SLC25A48: variants seen among roughly 807,000 people sequenced by gnomAD.
The protein encoded by SLC25A48 is CTC-321K16.1.
In SLC25A48, 29 loss-of-function variants were observed where a neutral mutation model predicts 32.2. That is an observed-to-expected ratio of 0.90 (90% CI 0.67 to 1.23). The LOEUF is 1.23. Among genes scored for constraint, SLC25A48 ranks in the 50% most tolerant of loss-of-function variants. SLC25A48 has a pLI of 0.00. For synonymous variants in SLC25A48, 164 were observed against 172.3 expected (o/e 0.95, Z 0.38); for missense variants, 399 against 422.7 (o/e 0.94, Z 0.49).
chr5:135,855,178 A>G (rs1323734868), intron 4 of SLC25A48, among the ~76,000 whole-genome samples: 13 of 152,254 alleles, frequency 8.5e-5, no homozygotes, highest in Admixed American at 7.8e-4. Flanking sequence ...TGTGAGAATT[A>G]TGAAAATGTG....
chr5:135,833,637 A>C (rs995322893), upstream of SLC25A48, among the ~76,000 whole-genome samples: 1 of 152,074 alleles, frequency 6.6e-6, no homozygotes. Context: ...GGAACTTTGC[A>C]ATACTTCCCT....
chr5:135,614,614 A>C lies in SLC25A48; in HGVS notation c.-848-14623A>C, dbSNP rs1261883739. 2.6e-5 allele frequency among the ~76,000 whole-genome samples: 4 copies of C among 152,178 alleles called. No homozygotes were observed. In the East Asian group the frequency reaches 7.7e-4, roughly 29 times the overall value. ...CATGAAGGGATGTTGAATTTTATTA[A>C]ATTATTTTCCTTCACCTATTGAAAT... On this transcript the variant is annotated intron_variant, in intron 1 of 10. Transcript: ENST00000646290.
intron 4 of SLC25A48, among the ~76,000 whole-genome samples, chr5:135,828,615 G>C (rs548726300): frequency 6.6e-6 from 1 of 152,360 alleles, no homozygotes; most frequent in African/African-American, 2.4e-5. Context: ...CTGGTTGCAA[G>C]GAGCCTGAGC....
chr5:135,718,725 T>C (rs556756632), intron 3 of SLC25A48, among the ~76,000 whole-genome samples: 2 of 152,364 alleles, frequency 1.3e-5, no homozygotes, highest in South Asian at 2.1e-4. Context: ...CAGAGAATTA[T>C]GCTGCCTGAA....
chr5:135,782,488 G>T (rs1380685188), intron 3 of SLC25A48, among the ~76,000 whole-genome samples: 2 of 116,746 alleles, frequency 1.7e-5, no homozygotes, highest in African/African-American at 5.2e-5. Context: ...ATATTGCAGG[G>T]TGTGTACAAC....
chr5:135,598,125 C>T (rs1751703195), intron 1 of SLC25A48, among the ~76,000 whole-genome samples: 1 of 152,128 alleles, frequency 6.6e-6, no homozygotes, highest in South Asian at 2.1e-4. Flanking sequence ...CAAAGTGTTA[C>T]CCACTAGGAT....
intron 3 of SLC25A48, among the ~76,000 whole-genome samples, chr5:135,750,422 C>T (rs147402053): frequency 6.6e-6 from 1 of 152,282 alleles, no homozygotes; most frequent in East Asian, 1.9e-4. Context: ...TGATTCCCTC[C>T]TAGTGGCCTC....
At chr5:135,660,400 A>G (rs1272599982) in intron 3 of SLC25A48, among the ~76,000 whole-genome samples, 1 of 152,202 alleles carries the variant, frequency 6.6e-6, no homozygotes, top group African/African-American at 2.4e-5. Context: ...TTTGAAAGAC[A>G]TGGTATTCAT....
chr5:135,672,495 C>G (rs1474587151), intron 3 of SLC25A48, among the ~76,000 whole-genome samples: 1 of 152,194 alleles, frequency 6.6e-6, no homozygotes, highest in Non-Finnish European at 1.5e-5. Context: ...GACTGCTGCT[C>G]AAACCCATGG....
chr5:135,796,821 C>T (rs958267539), intron 3 of SLC25A48, among the ~76,000 whole-genome samples: 1 of 151,330 alleles, frequency 6.6e-6, no homozygotes, highest in Non-Finnish European at 1.5e-5. Context: ...TAATATTGCA[C>T]GGGTGTGTGC....
chr5:135,861,252 A>T (rs1012526708), intron 4 of SLC25A48, among the ~76,000 whole-genome samples: 80 of 152,162 alleles, frequency 5.3e-4, no homozygotes, highest in Middle Eastern at 3.4e-3. Context: ...AGCATATAAA[A>T]TTTTTTTAAG....
chr5:135,799,093 T>C (rs898837702), intron 3 of SLC25A48, among the ~76,000 whole-genome samples: 2 of 151,664 alleles, frequency 1.3e-5, no homozygotes, highest in African/African-American at 4.8e-5. Flanking sequence ...ACTTTGGTGA[T>C]ATTTTTCCTA....
chr5:135,659,068 A>G (rs1753325317), intron 3 of SLC25A48, among the ~76,000 whole-genome samples: 1 of 152,230 alleles, frequency 6.6e-6, no homozygotes, highest in Admixed American at 6.5e-5. Flanking sequence ...TTTTTCTCCC[A>G]TAAAATGGGT....
chr5:135,850,276 A>G, intron 2 of SLC25A48, 149 bp from the exon 3 acceptor site: 1 of 689,126 alleles, frequency 1.5e-6, no homozygotes, highest in Non-Finnish European at 2.6e-6. Flanking sequence ...TGCAAGCTGG[A>G]GACAGGGCAC....
intron 3 of SLC25A48, among the ~76,000 whole-genome samples, chr5:135,778,956 G>A (rs1478969291): frequency 6.6e-6 from 1 of 150,858 alleles, no homozygotes; most frequent in East Asian, 2.0e-4. Context: ...TTCTCAAGGG[G>A]GGAGAGAATA....
chr5:135,613,996 A>G (rs931138596), intron 1 of SLC25A48, among the ~76,000 whole-genome samples: 4 of 152,090 alleles, frequency 2.6e-5, no homozygotes, highest in Non-Finnish European at 5.9e-5. Flanking sequence ...TGTTATTTTG[A>G]TGGTGATTGC....
intron 3 of SLC25A48, among the ~76,000 whole-genome samples, chr5:135,638,004 TC>T (rs1752744859): frequency 6.6e-6 from 1 of 152,190 alleles, no homozygotes; most frequent in Non-Finnish European, 1.5e-5. Flanking sequence ...CATTTTAACA[TC>T]TATAAAATTA....
intron 1 of SLC25A48, among the ~76,000 whole-genome samples, chr5:135,581,293 C>T (rs375720505): frequency 3.3e-5 from 5 of 152,208 alleles, no homozygotes; most frequent in East Asian, 3.9e-4. Flanking sequence ...CAACCTTACC[C>T]TCTTACAACC....
At chr5:135,865,400 C>T (rs1761108795) in intron 4 of SLC25A48, among the ~76,000 whole-genome samples, 2 of 152,136 alleles carry the variant, frequency 1.3e-5, no homozygotes, top group South Asian at 4.2e-4. Flanking sequence ...ATGTTACAGC[C>T]AGCCTGTCTG....
Sources: gnomAD v4.1 joint callset for allele counts (sites outside exome capture counted in the v4.1 genomes callset) on GRCh38, gnomAD v4.1.1 for gene constraint, MANE v1.5 for transcripts, NCBI Gene and HGNC (gene_info 2026-07-23, HGNC 2026-07-21) for gene names.